PCM1: variants seen among roughly 807,000 people sequenced by gnomAD.
PCM1 encodes the protein pericentriolar material 1 protein.
Under a neutral mutation model 241.9 loss-of-function variants are expected in PCM1, and 157 were observed. The ratio of observed to expected loss-of-function variants is 0.65; its 90% CI spans 0.57 to 0.74. PCM1 has a LOEUF of 0.74. Ranked by LOEUF, PCM1 falls within the 30% of genes least tolerant of loss-of-function variation. The pLI, the probability that PCM1 is intolerant of heterozygous loss-of-function variation, is 0.00. For synonymous variants in PCM1, 1,085 were observed against 784.9 expected (o/e 1.38, Z -6.39); for missense variants, 3,478 against 2,360.1 (o/e 1.47, Z -9.81).
At chr8:17,928,323 T>G (rs1030855784) in intron 2 of PCM1, among the ~76,000 whole-genome samples, 2 of 152,092 alleles carry the variant, frequency 1.3e-5, no homozygotes, top group Non-Finnish European at 2.9e-5. Context: ...CATTCTCCAT[T>G]CCCTACTTTT....
At position 18,009,676 on chromosome 8, in the gene PCM1, A is replaced by T. The variant is rs34243861; in HGVS notation, c.5092A>T (p.Ile1698Leu). The T allele has an allele frequency of 0.019, 29,780 of 1,568,984 alleles. 450 individuals are homozygous for T. Among genetic ancestry groups the T allele is most frequent in the South Asian group, 0.052 (4,224 of 81,976 alleles). ...TATGCAAGATTTGGATAATAATAGT[A>T]TAACTGTTAAACAGAGATGCAAAAG... ...KLMQDLDNNS[I>L]TVKQRCKRKI... The change falls in exon 31 of 39, where the codon ATA becomes TTA. Residue 1698 changes from isoleucine to leucine, a missense_variant. Transcript: ENST00000325083.
intron 16 of PCM1, among the ~76,000 whole-genome samples, chr8:17,962,758 CTAGGTG>C (rs1383245568): frequency 6.6e-6 from 1 of 151,818 alleles, no homozygotes; most frequent in Non-Finnish European, 1.5e-5. Context: ...AAAAAATTAG[CTAGGTG>C]TAGTGGTGGG....
At chr8:17,937,416 T>G in intron 4 of PCM1, 37 bp downstream of exon 4, 1 of 1,462,414 alleles carries the variant, frequency 6.8e-7, no homozygotes, top group Non-Finnish European at 9.2e-7. Flanking sequence ...GCTATTACTG[T>G]GAGAAATACT....
At chr8:17,967,800 A>G (rs1283785952) in intron 21 of PCM1, among the ~76,000 whole-genome samples, 3 of 152,222 alleles carry the variant, frequency 2.0e-5, no homozygotes, top group Non-Finnish European at 2.9e-5. Context: ...AAGGAGTACC[A>G]TGTCTTGTTA....
rs879341510 is a variant in PCM1, at chr8:18,028,143, T to G, written c.*481T>G. 6 of 197,458 alleles carry G rather than the reference T, an allele frequency of 3.0e-5. No individual in the cohort carries two copies. The highest frequency in any genetic ancestry group is 4.2e-5 in the Non-Finnish European group (4 of 95,432). 12.2% of individuals were successfully genotyped at this position (197,458 alleles called of 1,614,324 possible). A position where few individuals can be genotyped will look rare whatever the true frequency, so the allele number is the denominator to read the frequency against. On this transcript the variant is annotated 3_prime_UTR_variant, in exon 39 of 39. Coordinates refer to ENST00000325083, the MANE Select transcript of PCM1 (RefSeq NM_006197.4). ...CAACTAATGCCAGTGTTGCTGCTGT[T>G]GGGTCTGATGTTCTTCTTTTAGATA...
At chr8:18,006,445 G>A (rs780910349) in intron 30 of PCM1, 48 bp downstream of exon 30, 1 of 1,412,148 alleles carries the variant, frequency 7.1e-7, no homozygotes, top group Non-Finnish European at 9.8e-7. Flanking sequence ...TGTGTGGTAA[G>A]GTTTTTTTTC....
At chr8:17,952,897 G>C in intron 8 of PCM1, 73 bp from the exon 9 acceptor site, 1 of 857,828 alleles carries the variant, frequency 1.2e-6, no homozygotes, top group South Asian at 1.9e-5. Flanking sequence ...GAATATTTAT[G>C]CATTTAAAAA....
At chr8:17,928,622 T>A (rs1306958611) in intron 2 of PCM1, among the ~76,000 whole-genome samples, 17 of 128,554 alleles carry the variant, frequency 1.3e-4, no homozygotes, top group South Asian at 2.8e-4. Context: ...CCCTCTTTTT[T>A]TTTTTTTTTT....
Position 18,018,824 on chromosome 8 carries a change from A to ATG in PCM1, c.5841+3986_5841+3987dup, listed in dbSNP as rs1419483755. 4.5e-3 allele frequency among the ~76,000 whole-genome samples: 610 copies of ATG among 135,406 alleles called. 7 individuals are homozygous for ATG. Among genetic ancestry groups the ATG allele is most frequent in the African/African-American group, 0.014 (487 of 34,178 alleles). 88.8% of individuals were successfully genotyped at this position (135,406 alleles called of 152,430 possible). Reference sequence around the variant, plus strand: ...GATTCCGTCTCAAAAAAAAAAAAATATGTATATATATATATGTGTGTGTGT... The same window carrying ATG: ...GATTCCGTCTCAAAAAAAAAAAAATATGTGTATATATATATATGTGTGTGTGT... On this transcript the variant is annotated intron_variant, in intron 36 of 38. Transcript: ENST00000325083.
chr8:17,947,197 T>A lies in PCM1; in HGVS notation c.795T>A (p.Pro265=). 6.3e-7 allele frequency: 1 copy of A among 1,595,734 alleles called. No individual in the cohort carries two copies. The highest frequency in any genetic ancestry group is 8.5e-7 in the Non-Finnish European group (1 of 1,170,102). The part of the protein sequence containing the change: ...KFLKKILARD[P]QQEPMEEIEN... ...GTCTTATTTTCCAGGCCAGAGATCC[T>A]CAGCAGGAGCCTATGGAAGAGATAG... The change falls in exon 7 of 39, where the codon CCT becomes CCA. Residue 265 remains proline (P), a synonymous_variant. Coordinates refer to ENST00000325083, the MANE Select transcript of PCM1 (RefSeq NM_006197.4).
In PCM1 at chr8:17,955,770, C is replaced by G. The variant is rs191492142; in HGVS notation, c.1472+117C>G. ...TTTATTTAATATTGTTGTAAACATT[C>G]TTAAGGGATAGGTAGAAGAGGCGTG... On this transcript the variant is annotated intron_variant, in intron 10 of 38. Transcript: ENST00000325083. The G allele has an allele frequency of 9.1e-4, 731 of 806,926 alleles. 3 individuals are homozygous for G. The highest frequency in any genetic ancestry group is 7.6e-3 in the South Asian group (494 of 65,142). 50.0% of individuals were successfully genotyped at this position (806,926 alleles called of 1,614,324 possible). A position where few individuals can be genotyped will look rare whatever the true frequency, so the allele number is the denominator to read the frequency against.
At chr8:17,966,251 T>G in intron 19 of PCM1, 33 bp downstream of exon 19, 1 of 1,608,446 alleles carries the variant, frequency 6.2e-7, no homozygotes, top group Non-Finnish European at 8.5e-7. Flanking sequence ...ATTTTTCGTC[T>G]ATTTTTATAA....
intron 27 of PCM1, among the ~76,000 whole-genome samples, chr8:17,990,832 C>T (rs2084355989): frequency 6.6e-6 from 1 of 152,058 alleles, no homozygotes; most frequent in Admixed American, 6.5e-5. Context: ...CTACTGTTCG[C>T]CAAAACAAAA....
At chr8:18,026,202 T>A (rs1235079717) in intron 38 of PCM1, among the ~76,000 whole-genome samples, 34 of 109,550 alleles carry the variant, frequency 3.1e-4, no homozygotes, top group African/African-American at 9.8e-4. Context: ...AAAAAAAAAA[T>A]GTAGACATGC....
chr8:17,928,375 T>C (rs1213612900), intron 2 of PCM1, among the ~76,000 whole-genome samples: 2 of 152,198 alleles, frequency 1.3e-5, no homozygotes, highest in Non-Finnish European at 2.9e-5. Context: ...TCACATTTAA[T>C]GTACAGTCCT....
In PCM1 at chr8:18,005,990, C is replaced by T. The variant is rs181633272; in HGVS notation, c.4828-273C>T. The T allele has an allele frequency of 2.3e-5, 7 of 305,666 alleles. No individual in the cohort carries two copies. The Admixed American group carries it at 3.3e-4, about 15-fold the overall frequency. The allele number at this position is 305,666 out of a possible 1,614,324, so 18.9% of individuals were successfully genotyped here. A position where few individuals can be genotyped will look rare whatever the true frequency, so the allele number is the denominator to read the frequency against. On this transcript the variant is annotated intron_variant, in intron 29 of 38. Coordinates refer to ENST00000325083, the MANE Select transcript of PCM1 (RefSeq NM_006197.4). ...GTTCTCCTTAAGGTACAGAAAAGTA[C>T]AGAAAGAAAGTGCTGAAAAGTACTG...
chr8:17,980,737 T>G lies in PCM1; in HGVS notation c.4090T>G (p.Ser1364Ala), dbSNP rs367605201. Residue 1364 changes from serine (S) to alanine (A), a missense_variant, in exon 24 of 39, where the codon TCT (serine) becomes GCT (alanine). Physicochemically the swap from Ser to Ala is moderately conservative, Grantham distance 99. Transcript: ENST00000325083. ...GGAAAAAATAATAAAATGTAATAGG[T>G]CTACAGAAATATCTTCAGGTATGTT... The part of the protein sequence containing the change: ...QLEKIIKCNR[S>A]TEISSETGSD... 1 of 1,608,878 alleles carries G rather than the reference T, an allele frequency of 6.2e-7. No homozygotes were observed. The highest frequency in any genetic ancestry group is 8.5e-7 in the Non-Finnish European group (1 of 1,178,278).
At chr8:18,016,590 C>G (rs904685898) in intron 36 of PCM1, among the ~76,000 whole-genome samples, 1 of 152,098 alleles carries the variant, frequency 6.6e-6, no homozygotes, top group Admixed American at 6.6e-5. Flanking sequence ...TCCAAAATTG[C>G]CTTGCTAAAA....
rs902154897 is a variant in PCM1, at chr8:17,953,100, G to A, written c.1202G>A (p.Arg401Lys). Residue 401 changes from arginine (R) to lysine (K), a missense_variant, in exon 9 of 39, where the codon AGA (arginine) becomes AAA (lysine). By Grantham distance (26) the Arg-to-Lys change is conservative (BLOSUM62 2). Transcript: ENST00000325083. ...DEKVELFSKMRVLQEKKQKMD... is the reference protein window; with the variant it reads ...DEKVELFSKMKVLQEKKQKMD... ...AAAGTCGAACTTTTTAGCAAAATGA[G>A]AGTGCTACAGGAAAAGAAACAAAAA... 1.2e-6 allele frequency: 2 copies of A among 1,601,116 alleles called. No homozygotes were observed. The highest frequency in any genetic ancestry group is 4.5e-5 in the East Asian group (2 of 44,572).
Sources: gnomAD v4.1 joint callset for allele counts (sites outside exome capture counted in the v4.1 genomes callset) on GRCh38, gnomAD v4.1.1 for gene constraint, MANE v1.5 for transcripts, NCBI Gene and HGNC (gene_info 2026-07-23, HGNC 2026-07-21) for gene names.